Variants in RHOJ observed in about 807,000 individuals in gnomAD.
The protein encoded by RHOJ is rho-related GTP-binding protein RhoJ.
A neutral mutation model predicts 23.4 loss-of-function variants in RHOJ; 11 were observed. The observed-to-expected ratio is 0.47, with a 90% CI of 0.30 to 0.78. The LOEUF is 0.78. RHOJ is among the 30% of genes least tolerant of loss of function. The pLI is 0.08. For synonymous variants in RHOJ, 102 were observed against 102.7 expected (o/e 0.99, Z 0.04); for missense variants, 254 against 273.4 (o/e 0.93, Z 0.50).
intron 1 of RHOJ, among the ~76,000 whole-genome samples, chr14:63,244,809 T>G (rs1204541500): frequency 2.6e-5 from 4 of 152,240 alleles, no homozygotes; most frequent in Non-Finnish European, 5.9e-5. Context: ...TAGAACTACT[T>G]AAAAATTAAT....
At chr14:63,224,852 G>A (rs1894560070) in intron 1 of RHOJ, among the ~76,000 whole-genome samples, 1 of 151,826 alleles carries the variant, frequency 6.6e-6, no homozygotes, top group African/African-American at 2.4e-5. Flanking sequence ...CCAGCCCCTC[G>A]ACCCCATCTC....
chr14:63,249,631 T>C (rs144966638), intron 1 of RHOJ, among the ~76,000 whole-genome samples: 1 of 152,364 alleles, frequency 6.6e-6, no homozygotes, highest in Non-Finnish European at 1.5e-5. Flanking sequence ...CATTTGAACC[T>C]CATGTTAGTA....
chr14:63,240,195 T>G (rs1894858829), intron 1 of RHOJ, among the ~76,000 whole-genome samples: 1 of 152,182 alleles, frequency 6.6e-6, no homozygotes, highest in African/African-American at 2.4e-5. Flanking sequence ...AACAAAAATA[T>G]TAAAAGTTTT....
At chr14:63,280,805 G>A (rs1320497389) in intron 2 of RHOJ, among the ~76,000 whole-genome samples, 166 bp from the exon 3 acceptor site, 1 of 152,184 alleles carries the variant, frequency 6.6e-6, no homozygotes, top group Non-Finnish European at 1.5e-5. Flanking sequence ...TTTTCTGACT[G>A]ATGGCTCCTT....
rs76281630 is a variant in RHOJ, at chr14:63,244,588, A to T, written c.179-24522A>T. On this transcript the variant is annotated intron_variant, in intron 1 of 4. Transcript: ENST00000316754. ...AGCAAAACTCTGTCTAAAACAAAAC[A>T]AAAAGGGTAACGTTCTGTTGAAAAT... Among the ~76,000 whole-genome samples the T allele has an allele frequency of 5.3e-3, 812 of 152,288 alleles. 30 individuals are homozygous for T. The East Asian group carries it at 0.11, about 20-fold the overall frequency.
rs371765199 is a variant in RHOJ at position 63,280,955 on chromosome 14, T to C, written c.238-16T>C. The C allele has an allele frequency of 6.2e-7, 1 of 1,607,376 alleles. No individual in the cohort carries two copies. The highest frequency in any genetic ancestry group is 8.5e-7 in the Non-Finnish European group (1 of 1,176,692). On this transcript the variant is annotated splice_polypyrimidine_tract_variant and intron_variant, in intron 2 of 4. Transcript: ENST00000316754. ...CTTACACAGGCTGTACAAACCCTTGTCTGCTCTTCCCACAGGAGGACTACA... is the reference window on the plus strand; with the variant it reads ...CTTACACAGGCTGTACAAACCCTTGCCTGCTCTTCCCACAGGAGGACTACA...
chr14:63,238,966 C>T (rs1416705592), intron 1 of RHOJ, among the ~76,000 whole-genome samples: 1 of 152,156 alleles, frequency 6.6e-6, no homozygotes, highest in Non-Finnish European at 1.5e-5. Context: ...ATCCCATGCT[C>T]ATAACCTTAA....
chr14:63,224,951 CT>C (rs34008880), intron 1 of RHOJ, among the ~76,000 whole-genome samples: 71,335 of 113,596 alleles, frequency 0.63, 20,852 homozygotes, highest in Middle Eastern at 0.8. Context: ...ATCATTTATA[CT>C]TTTTTTTTTT....
At chr14:63,221,589 G>C (rs1894494985) in intron 1 of RHOJ, among the ~76,000 whole-genome samples, 1 of 152,230 alleles carries the variant, frequency 6.6e-6, no homozygotes, top group Non-Finnish European at 1.5e-5. Context: ...CCAGTGATGA[G>C]AACTGTGTTA....
intron 1 of RHOJ, among the ~76,000 whole-genome samples, chr14:63,225,371 A>G (rs1894574021): frequency 6.6e-6 from 1 of 152,202 alleles, no homozygotes; most frequent in Non-Finnish European, 1.5e-5. Context: ...ATTGAAGAAA[A>G]AAGAAAACAA....
chr14:63,225,868 A>G (rs1894585202), intron 1 of RHOJ, among the ~76,000 whole-genome samples: 1 of 152,184 alleles, frequency 6.6e-6, no homozygotes, highest in Non-Finnish European at 1.5e-5. Context: ...TCTTGCAGGT[A>G]TCAGAAACCT....
rs57848893 is a variant in RHOJ, at chr14:63,230,841, C to CTTTTTTTTTTT, written c.178+25802_178+25812dup. ...AATGGAAGTTTACAAGGGTACAAGG[C>CTTTTTTTTTTT]TTTTTTTTTTTTTTTTTTAGATGGA... On this transcript the variant is annotated intron_variant, in intron 1 of 4. Transcript: ENST00000316754. Among the ~76,000 whole-genome samples the CTTTTTTTTTTT allele has an allele frequency of 1.4e-4, 13 of 95,274 alleles. 3 individuals are homozygous for CTTTTTTTTTTT. Among genetic ancestry groups the CTTTTTTTTTTT allele is most frequent in the East Asian group, 8.1e-4 (2 of 2,462 alleles). The allele number at this position is 95,274 out of a possible 152,430, so 62.5% of individuals were successfully genotyped here.
intron 1 of RHOJ, among the ~76,000 whole-genome samples, chr14:63,261,027 CA>C (rs928279062): frequency 6.6e-6 from 1 of 152,034 alleles, no homozygotes; most frequent in Non-Finnish European, 1.5e-5. Flanking sequence ...AATGGCTTTC[CA>C]AAAAAATGAA....
At chr14:63,270,133 T>C (rs1379237321) in intron 2 of RHOJ, among the ~76,000 whole-genome samples, 1 of 151,332 alleles carries the variant, frequency 6.6e-6, no homozygotes, top group Non-Finnish European at 1.5e-5. Context: ...GTGAGTTTCC[T>C]GGGAATTGTT....
chr14:63,251,756 A>G (rs2139641108), intron 1 of RHOJ, among the ~76,000 whole-genome samples: 1 of 152,342 alleles, frequency 6.6e-6, no homozygotes, highest in East Asian at 1.9e-4. Flanking sequence ...TTTATAAGAT[A>G]AAGTCTCTAT....
At chr14:63,283,340 A>G (rs2139666221) in intron 4 of RHOJ, 124 bp downstream of exon 4, 1 of 786,116 alleles carries the variant, frequency 1.3e-6, no homozygotes, top group Non-Finnish European at 2.2e-6. Context: ...ATCTTCTCTA[A>G]GCTTTCTATT....
At chr14:63,229,434 G>C (rs972736936) in intron 1 of RHOJ, among the ~76,000 whole-genome samples, 1 of 152,126 alleles carries the variant, frequency 6.6e-6, no homozygotes, top group Non-Finnish European at 1.5e-5. Flanking sequence ...AATCAAATTG[G>C]TGGCCAGGCT....
At chr14:63,278,025 A>T (rs1881788754) in intron 2 of RHOJ, among the ~76,000 whole-genome samples, 2 of 151,658 alleles carry the variant, frequency 1.3e-5, no homozygotes, top group Non-Finnish European at 2.9e-5. Flanking sequence ...CTTGGCTGAG[A>T]TGCAACCCAG....
At chr14:63,216,829 C>G (rs1464849673) in intron 1 of RHOJ, among the ~76,000 whole-genome samples, 1 of 152,130 alleles carries the variant, frequency 6.6e-6, no homozygotes, top group Non-Finnish European at 1.5e-5. Flanking sequence ...ATTCATTTAG[C>G]CTCTTAATAA....
Sources: allele counts gnomAD v4.1 joint callset (sites outside exome capture counted in the v4.1 genomes callset), GRCh38; gene constraint gnomAD v4.1.1; transcripts MANE v1.5; gene names NCBI Gene and HGNC (gene_info 2026-07-23, HGNC 2026-07-21).